Variants in BBS9 observed in about 807,000 individuals in gnomAD.
BBS9 encodes the protein protein PTHB1.
In BBS9, 89 loss-of-function variants were observed where a neutral mutation model predicts 117.7. The ratio of observed to expected loss-of-function variants is 0.76; its 90% CI spans 0.64 to 0.90. The LOEUF (loss-of-function observed/expected upper bound fraction) is 0.90. BBS9 is among the 40% of genes least tolerant of loss of function. The probability of loss-of-function intolerance (pLI) is 0.00; values close to 1 mark genes in which losing one functional copy is unlikely to be tolerated. For synonymous variants in BBS9, 379 were observed against 370.9 expected, an observed-to-expected ratio of 1.02 and a Z score of -0.25; for missense variants, 982 against 1,042.2, an observed-to-expected ratio of 0.94 and a Z score of 0.80.
chr7:33,309,220 G>A (rs932529864), intron 9 of BBS9, among the ~76,000 whole-genome samples: 3 of 152,164 alleles, frequency 2.0e-5, no homozygotes, highest in African/African-American at 7.2e-5. Context: ...AAGATTCTTA[G>A]GTGATTCTAA....
At chr7:33,228,470 A>G (rs1791710188) in intron 5 of BBS9, among the ~76,000 whole-genome samples, 1 of 152,142 alleles carries the variant, frequency 6.6e-6, no homozygotes, top group Non-Finnish European at 1.5e-5. Context: ...AGGAAGAGGA[A>G]TAACTTTCTC....
chr7:33,331,948 A>G (rs1456930416), intron 9 of BBS9, among the ~76,000 whole-genome samples: 1 of 152,192 alleles, frequency 6.6e-6, no homozygotes, highest in African/African-American at 2.4e-5. Flanking sequence ...ACTAGAAAAA[A>G]CAATCCTGAA....
intron 21 of BBS9, among the ~76,000 whole-genome samples, chr7:33,593,725 C>G (rs1254550172): frequency 1.3e-5 from 2 of 152,086 alleles, no homozygotes; most frequent in African/African-American, 4.8e-5. Context: ...CGCAATGCAC[C>G]AACATAGTGT....
intron 9 of BBS9, among the ~76,000 whole-genome samples, chr7:33,317,679 T>C (rs955148692): frequency 1.3e-5 from 2 of 152,218 alleles, no homozygotes; most frequent in African/African-American, 4.8e-5. Context: ...GTTAACTCTA[T>C]CCAAAGTGGT....
At chr7:33,479,967 C>T (rs1003361446) in intron 19 of BBS9, among the ~76,000 whole-genome samples, 5 of 151,956 alleles carry the variant, frequency 3.3e-5, no homozygotes, top group Non-Finnish European at 7.4e-5. Flanking sequence ...GGATATTAGA[C>T]CTTTGTTGGA....
chr7:33,521,717 A>G (rs1848625489), intron 20 of BBS9, among the ~76,000 whole-genome samples: 2 of 150,766 alleles, frequency 1.3e-5, no homozygotes, highest in African/African-American at 4.9e-5. Flanking sequence ...TTTATTTTCT[A>G]TTTTACATTC....
chr7:33,588,464 A>G (rs1055418667), intron 21 of BBS9, among the ~76,000 whole-genome samples: 1 of 152,110 alleles, frequency 6.6e-6, no homozygotes, highest in Non-Finnish European at 1.5e-5. Context: ...ACAACTAAAT[A>G]TCGTGTGCCT....
chr7:33,384,172 C>A (rs563112097), intron 18 of BBS9, among the ~76,000 whole-genome samples: 81 of 152,208 alleles, frequency 5.3e-4, no homozygotes, highest in Non-Finnish European at 1.0e-3. Context: ...CTAACTAATT[C>A]TAGCAGGCCA....
chr7:33,541,250 A>T (rs565164898), intron 21 of BBS9, among the ~76,000 whole-genome samples: 6 of 152,094 alleles, frequency 3.9e-5, no homozygotes, highest in Non-Finnish European at 8.8e-5. Flanking sequence ...ATGTTACTCA[A>T]TGCCCAGGCC....
In BBS9 at chr7:33,428,821, A is replaced by T. The variant is rs190655358; in HGVS notation, c.2115+40677A>T. Among the ~76,000 whole-genome samples the T allele has an allele frequency of 4.6e-5, 7 of 152,322 alleles. No individual in the cohort carries two copies. The East Asian group carries it at 1.3e-3, about 29-fold the overall frequency. On this transcript the variant is annotated intron_variant, in intron 19 of 22. Transcript: ENST00000242067. Reference sequence around the variant, plus strand: ...ATTGTTTAATTAGCCTCTACAGGCTACTATGGTAGTTTTGCATTGATTTTT... The same window carrying T: ...ATTGTTTAATTAGCCTCTACAGGCTTCTATGGTAGTTTTGCATTGATTTTT...
chr7:33,630,890 G>A (rs1316221581), intron 21 of BBS9, among the ~76,000 whole-genome samples: 1 of 152,180 alleles, frequency 6.6e-6, no homozygotes, highest in African/African-American at 2.4e-5. Flanking sequence ...ACTGTGCTTA[G>A]TGTTGGGGAT....
rs113550241 is a variant in BBS9, at chr7:33,574,663, A to G, written c.2522-30202A>G. The stretch of plus-strand genomic sequence containing the variant: ...GATACAGGGAAGAATAAGTACTTCA[A>G]TTGTACTGGAAGTCATAGAAAACAC... On this transcript the variant is annotated intron_variant, in intron 21 of 22. Transcript: ENST00000242067. Among the ~76,000 whole-genome samples, 959 of 149,248 alleles carry G rather than the reference A, an allele frequency of 6.4e-3. 12 individuals are homozygous for G. The highest frequency in any genetic ancestry group is 0.022 in the African/African-American group (908 of 41,132).
At chr7:33,555,369 A>C (rs1340606385) in intron 21 of BBS9, among the ~76,000 whole-genome samples, 1 of 152,190 alleles carries the variant, frequency 6.6e-6, no homozygotes, top group Non-Finnish European at 1.5e-5. Flanking sequence ...GTGCTGTCAC[A>C]GGCAATGGAA....
intron 2 of BBS9, among the ~76,000 whole-genome samples, chr7:33,150,506 A>G (rs916172190): frequency 2.0e-5 from 3 of 152,184 alleles, no homozygotes; most frequent in African/African-American, 7.2e-5. Flanking sequence ...CCCACCTAGA[A>G]CATGAATGGG....
At chr7:33,149,665 G>A (rs941599915) in intron 2 of BBS9, among the ~76,000 whole-genome samples, 2 of 149,950 alleles carry the variant, frequency 1.3e-5, no homozygotes, top group African/African-American at 4.9e-5. Context: ...GAGCAAATAA[G>A]ACTGACTAAT....
At chr7:33,190,280 C>T (rs1783903714) in intron 5 of BBS9, among the ~76,000 whole-genome samples, 1 of 152,002 alleles carries the variant, frequency 6.6e-6, no homozygotes, top group Non-Finnish European at 1.5e-5. Flanking sequence ...CCACCACACT[C>T]GGCTAACTTT....
At chr7:33,214,828 G>A (rs759527662) in intron 5 of BBS9, among the ~76,000 whole-genome samples, 40 of 152,208 alleles carry the variant, frequency 2.6e-4, no homozygotes, top group Non-Finnish European at 4.4e-4. Context: ...ATTATTCTTC[G>A]TGGAGATAGA....
intron 19 of BBS9, among the ~76,000 whole-genome samples, chr7:33,468,906 A>G (rs1840568823): frequency 6.6e-6 from 1 of 152,014 alleles, no homozygotes; most frequent in South Asian, 2.1e-4. Context: ...CCATTCATCC[A>G]TTGGTGGACA....
chr7:33,172,215 C>G (rs1008420771), intron 4 of BBS9, among the ~76,000 whole-genome samples: 6 of 151,924 alleles, frequency 3.9e-5, no homozygotes, highest in Non-Finnish European at 7.4e-5. Context: ...CCCATCTCTA[C>G]TAAAAAATAC....
Sources: gnomAD v4.1 joint callset for allele counts (sites outside exome capture counted in the v4.1 genomes callset) on GRCh38, gnomAD v4.1.1 for gene constraint, MANE v1.5 for transcripts, NCBI Gene and HGNC (gene_info 2026-07-23, HGNC 2026-07-21) for gene names.